The following MEI4 variants were observed in gnomAD, a reference collection of about 807,000 sequenced individuals.
The protein encoded by MEI4 is meiosis-specific protein MEI4.
A neutral mutation model predicts 31.4 loss-of-function variants in MEI4; 27 were observed. The observed-to-expected ratio is 0.86, with a 90% CI of 0.63 to 1.19. The LOEUF is 1.19. Among genes scored for constraint, MEI4 ranks in the 50% most tolerant of loss-of-function variants. The pLI is 0.00. For synonymous variants in MEI4, 122 were observed against 145.4 expected, an observed-to-expected ratio of 0.84 and a Z score of 1.16; for missense variants, 329 against 398.9, an observed-to-expected ratio of 0.82 and a Z score of 1.49.
intron 3 of MEI4, among the ~76,000 whole-genome samples, chr6:77,792,409 T>A (rs898260731): frequency 3.3e-5 from 5 of 152,198 alleles, no homozygotes; most frequent in South Asian, 2.1e-4. Flanking sequence ...CAGTACTGAT[T>A]TACACTCACA....
intron 4 of MEI4, among the ~76,000 whole-genome samples, chr6:77,916,958 C>G (rs866871536): frequency 2.4e-5 from 3 of 125,236 alleles, no homozygotes; most frequent in African/African-American, 8.8e-5. Context: ...GTGTGATATT[C>G]CCCTTCCTGT....
chr6:77,870,938 A>AG (rs1771175709), intron 4 of MEI4, among the ~76,000 whole-genome samples: 1 of 151,836 alleles, frequency 6.6e-6, no homozygotes, highest in Non-Finnish European at 1.5e-5. Flanking sequence ...TTTGAGGGAG[A>AG]TTTTCTGGTA....
At chr6:77,733,417 A>G (rs139363141) in intron 2 of MEI4, among the ~76,000 whole-genome samples, 1 of 151,952 alleles carries the variant, frequency 6.6e-6, no homozygotes, top group Non-Finnish European at 1.5e-5. Flanking sequence ...ATTTGCGTAG[A>G]GGTGTTCGTA....
intron 3 of MEI4, among the ~76,000 whole-genome samples, chr6:77,767,419 G>T (rs1258074606): frequency 1.3e-5 from 2 of 151,910 alleles, no homozygotes; most frequent in South Asian, 4.2e-4. Context: ...AATAAGTCAG[G>T]CATGGTGGCT....
intron 4 of MEI4, among the ~76,000 whole-genome samples, chr6:77,885,372 T>C (rs1214732522): frequency 6.6e-6 from 1 of 151,874 alleles, no homozygotes; most frequent in Non-Finnish European, 1.5e-5. Flanking sequence ...TTGTGTTTTT[T>C]GTAGAGATGA....
At chr6:77,743,787 C>G (rs9343648) in intron 2 of MEI4, among the ~76,000 whole-genome samples, 22,642 of 152,158 alleles carry the variant, frequency 0.15, 2,043 homozygotes, top group East Asian at 0.39. Flanking sequence ...GAGGAAAGAT[C>G]AGACAGCAGC....
At chr6:77,730,983 T>C (rs1327118738) in intron 2 of MEI4, among the ~76,000 whole-genome samples, 9 of 151,832 alleles carry the variant, frequency 5.9e-5, no homozygotes, top group Admixed American at 5.9e-4. Flanking sequence ...CTGCATAGTA[T>C]TCCATGGTGT....
chr6:77,697,051 T>A (rs1389905934), intron 2 of MEI4, among the ~76,000 whole-genome samples: 1 of 152,102 alleles, frequency 6.6e-6, no homozygotes, highest in Non-Finnish European at 1.5e-5. Flanking sequence ...AGTTTATTTG[T>A]GTAGAGGTGT....
intron 2 of MEI4, among the ~76,000 whole-genome samples, chr6:77,732,821 A>G (rs1767049945): frequency 1.3e-5 from 2 of 152,040 alleles, no homozygotes; most frequent in South Asian, 4.1e-4. Flanking sequence ...TAATTTATTC[A>G]GAGTTTTTAG....
chr6:77,729,032 T>C (rs1481705908), intron 2 of MEI4, among the ~76,000 whole-genome samples: 1 of 152,090 alleles, frequency 6.6e-6, no homozygotes, highest in African/African-American at 2.4e-5. Context: ...TTTCACAAAA[T>C]AGAAAGTAAG....
At chr6:77,829,534 G>A (rs574913124) in intron 4 of MEI4, among the ~76,000 whole-genome samples, 1 of 152,228 alleles carries the variant, frequency 6.6e-6, no homozygotes, top group South Asian at 2.1e-4. Flanking sequence ...TCTGAATTTG[G>A]AATTCTGGTA....
At chr6:77,883,744 A>ATATATATATATATAT (rs1491236242) in intron 4 of MEI4, among the ~76,000 whole-genome samples, 85 of 124,882 alleles carry the variant, frequency 6.8e-4, no homozygotes, top group Middle Eastern at 4.0e-3. Context: ...ATATATATAT[A>ATATATATATATATAT]ACTTTGTCTT....
chr6:77,658,319 A>G (rs1768436973), intron 1 of MEI4, among the ~76,000 whole-genome samples: 2 of 152,314 alleles, frequency 1.3e-5, no homozygotes, highest in African/African-American at 4.8e-5. Context: ...AGGGTGGGGC[A>G]GGAACAAATC....
At chr6:77,727,219 T>C (rs530348407) in intron 2 of MEI4, among the ~76,000 whole-genome samples, 2 of 152,240 alleles carry the variant, frequency 1.3e-5, no homozygotes, top group African/African-American at 4.8e-5. Context: ...CCTGGCACCC[T>C]GGGGGAAAAG....
rs540554469 is a variant in MEI4, at chr6:77,867,070, A to C, written c.900+38008A>C. 2.0e-5 allele frequency among the ~76,000 whole-genome samples: 3 copies of C among 152,344 alleles called. No homozygotes were observed. The South Asian group carries it at 6.2e-4, about 32-fold the overall frequency. ...TTCCTTAACACCTTATACAAAAATT[A>C]ATTCAAGATGGATTAAAGACTTACA... is the stretch of plus-strand genomic sequence containing the variant. On this transcript the variant is annotated intron_variant, in intron 4 of 4. Transcript: ENST00000684080.
chr6:77,803,253 G>A (rs904140196), intron 3 of MEI4, among the ~76,000 whole-genome samples: 1 of 152,022 alleles, frequency 6.6e-6, no homozygotes, highest in Admixed American at 6.6e-5. Flanking sequence ...CTTTCTTCCA[G>A]TTGATCAAAT....
chr6:77,726,467 G>T (rs565205547), intron 2 of MEI4, among the ~76,000 whole-genome samples: 1 of 152,310 alleles, frequency 6.6e-6, no homozygotes, highest in East Asian at 1.9e-4. Flanking sequence ...GATTTTCAGA[G>T]AAGAGACAGC....
At chr6:77,747,591 C>T (rs943533791) in intron 2 of MEI4, among the ~76,000 whole-genome samples, 1 of 152,118 alleles carries the variant, frequency 6.6e-6, no homozygotes, top group Non-Finnish European at 1.5e-5. Context: ...TCATCTTCTG[C>T]CAGGTCCCTC....
At chr6:77,878,039 A>G (rs954297515) in intron 4 of MEI4, among the ~76,000 whole-genome samples, 5 of 152,098 alleles carry the variant, frequency 3.3e-5, no homozygotes, top group Non-Finnish European at 7.4e-5. Context: ...TAATTCAGCC[A>G]ATTAGTAATA....
Sources: gnomAD v4.1 joint callset for allele counts (sites outside exome capture counted in the v4.1 genomes callset) on GRCh38, gnomAD v4.1.1 for gene constraint, MANE v1.5 for transcripts, NCBI Gene and HGNC (gene_info 2026-07-23, HGNC 2026-07-21) for gene names.